The following NBR1 variants were observed in gnomAD, a reference collection of about 807,000 sequenced individuals.
NBR1 encodes the protein NBR1 autophagy cargo receptor.
A neutral mutation model predicts 115.5 loss-of-function variants in NBR1; 59 were observed. The observed-to-expected ratio is 0.51, with a 90% CI of 0.41 to 0.63. The LOEUF (loss-of-function observed/expected upper bound fraction) is 0.63. Ranked by LOEUF, NBR1 falls within the 30% of genes least tolerant of loss-of-function variation. The pLI is 0.00. For synonymous variants in NBR1, 373 were observed against 414.7 expected, an observed-to-expected ratio of 0.90 and a Z score of 1.22; for missense variants, 1,043 against 1,150.5, an observed-to-expected ratio of 0.91 and a Z score of 1.35.
rs754099583 is a variant in NBR1, at chr17:43,201,671, G to T, written c.2469-15G>T. ...GCCTTTTCAATTTACTTTCCATATTGTGTCTTTCTGAAAGGAGCTCTCCTT... is the reference window on the plus strand; with the variant it reads ...GCCTTTTCAATTTACTTTCCATATTTTGTCTTTCTGAAAGGAGCTCTCCTT... On this transcript the variant is annotated splice_polypyrimidine_tract_variant and intron_variant, in intron 17 of 20. Coordinates refer to ENST00000590996, the MANE Select transcript of NBR1 (RefSeq NM_005899.5). 38 of 1,501,788 alleles carry T rather than the reference G, an allele frequency of 2.5e-5. No individual in the cohort carries two copies. The African/African-American group carries it at 5.1e-4, about 20-fold the overall frequency. The allele number at this position is 1,501,788 out of a possible 1,614,324, so 93.0% of individuals were successfully genotyped here.
intron 2 of NBR1, among the ~76,000 whole-genome samples, chr17:43,177,647 C>T (rs1482247777): frequency 1.3e-5 from 2 of 149,748 alleles, no homozygotes; most frequent in African/African-American, 5.0e-5. Flanking sequence ...GAGATGTCAT[C>T]TCATTGCTTC....
intron 5 of NBR1, among the ~76,000 whole-genome samples, chr17:43,184,923 T>C (rs1450853852): frequency 1.3e-5 from 2 of 151,616 alleles, no homozygotes; most frequent in South Asian, 4.2e-4. Flanking sequence ...ACCCCATCTC[T>C]ACTAAAAATA....
intron 6 of NBR1, among the ~76,000 whole-genome samples, chr17:43,187,035 G>A (rs557471792): frequency 2.0e-5 from 3 of 152,158 alleles, no homozygotes; most frequent in East Asian, 3.9e-4. Context: ...GTATATACCC[G>A]GTAATGGGAT....
intron 5 of NBR1, among the ~76,000 whole-genome samples, chr17:43,183,195 T>C (rs2056716810): frequency 6.6e-6 from 1 of 151,414 alleles, no homozygotes. Context: ...GCCCGGCCTC[T>C]TTTTTTCTTT....
chr17:43,182,747 AGT>A (rs2056704236), intron 5 of NBR1, among the ~76,000 whole-genome samples: 1 of 151,810 alleles, frequency 6.6e-6, no homozygotes, highest in African/African-American at 2.4e-5. Context: ...CCTCAGATGT[AGT>A]TACCCATTGA....
At chr17:43,172,128 A>G (rs1027208219) in intron 1 of NBR1, among the ~76,000 whole-genome samples, 5 of 152,190 alleles carry the variant, frequency 3.3e-5, no homozygotes, top group African/African-American at 7.2e-5. Context: ...TGGACTTACA[A>G]TAATGCCAGT....
intron 1 of NBR1, among the ~76,000 whole-genome samples, chr17:43,172,685 A>G (rs2056405562): frequency 6.6e-6 from 1 of 152,174 alleles, no homozygotes; most frequent in Non-Finnish European, 1.5e-5. Flanking sequence ...GAAACAAAGA[A>G]TGGAGAAAAT....
intron 16 of NBR1, among the ~76,000 whole-genome samples, chr17:43,197,529 AAAG>A (rs1350929082): frequency 2.0e-5 from 3 of 151,934 alleles, no homozygotes; most frequent in Admixed American, 6.6e-5. Flanking sequence ...AAAAAAAAAA[AAAG>A]AAATTCTGAT....
chr17:43,190,340 G>A, intron 8 of NBR1: 1 of 437,648 alleles, frequency 2.3e-6, no homozygotes, highest in South Asian at 2.1e-5. Context: ...CCAAAGTGCT[G>A]GGATTACAGA....
chr17:43,181,200 C>G (rs192948183), intron 5 of NBR1, among the ~76,000 whole-genome samples: 13 of 152,274 alleles, frequency 8.5e-5, no homozygotes, highest in Admixed American at 6.5e-4. Flanking sequence ...AAACTCAAAC[C>G]TGAATTCCAT....
At chr17:43,178,107 G>A in intron 3 of NBR1, 109 bp downstream of exon 3, 3 of 1,316,400 alleles carry the variant, frequency 2.3e-6, no homozygotes, top group South Asian at 2.7e-5. Context: ...TTTGTGTGGT[G>A]GTTTAAATAT....
intron 4 of NBR1, among the ~76,000 whole-genome samples, chr17:43,180,385 A>G (rs1197164802): frequency 6.6e-6 from 1 of 152,232 alleles, no homozygotes; most frequent in Admixed American, 6.5e-5. Context: ...TGGTATTTGC[A>G]TATCTAAACA....
At chr17:43,193,686 G>C in intron 12 of NBR1, 48 bp downstream of exon 12, 2 of 1,538,028 alleles carry the variant, frequency 1.3e-6, no homozygotes, top group South Asian at 2.5e-5. Flanking sequence ...ATCTTAGTTA[G>C]AGAGGAGATG....
chr17:43,191,319 C>T, intron 9 of NBR1, 53 bp from the exon 10 acceptor site: 1 of 1,373,338 alleles, frequency 7.3e-7, no homozygotes, highest in Non-Finnish European at 1.0e-6. Context: ...CTCCACATAG[C>T]TTCAGAATTT....
intron 19 of NBR1, 111 bp from the exon 20 acceptor site, chr17:43,203,570 C>G: frequency 1.6e-6 from 1 of 632,496 alleles, no homozygotes; most frequent in African/African-American, 1.8e-5. Flanking sequence ...CTTTTTCCAT[C>G]TAATTTTTTC....
intron 1 of NBR1, among the ~76,000 whole-genome samples, chr17:43,171,719 C>T (rs2056376264): frequency 6.6e-6 from 1 of 152,120 alleles, no homozygotes; most frequent in East Asian, 1.9e-4. Flanking sequence ...CTCGTTTTTT[C>T]GAGACCTTAA....
chr17:43,196,120 CAAA>C (rs758789830), intron 14 of NBR1: 72 of 114,078 alleles, frequency 6.3e-4, no homozygotes, highest in Middle Eastern at 8.2e-3. Flanking sequence ...GACTGCATCT[CAAA>C]AAAAAAAAAA....
chr17:43,182,346 T>C (rs1468933933), intron 5 of NBR1, among the ~76,000 whole-genome samples: 1 of 150,696 alleles, frequency 6.6e-6, no homozygotes, highest in East Asian at 2.0e-4. Context: ...GTTTCCCAAG[T>C]AGCTGGGATT....
At chr17:43,173,078 G>A (rs1033871767) in intron 1 of NBR1, among the ~76,000 whole-genome samples, 2 of 152,016 alleles carry the variant, frequency 1.3e-5, no homozygotes, top group African/African-American at 4.8e-5. Context: ...CACCCACCTC[G>A]GCCTCCCAAA....
Sources: allele counts gnomAD v4.1 joint callset (sites outside exome capture counted in the v4.1 genomes callset), GRCh38; gene constraint gnomAD v4.1.1; transcripts MANE v1.5; gene names NCBI Gene and HGNC (gene_info 2026-07-23, HGNC 2026-07-21).